The following TCERG1L variants were observed in gnomAD, a reference collection of about 807,000 sequenced individuals.
The protein encoded by TCERG1L is transcription elongation regulator 1 like.
A neutral mutation model predicts 56.3 loss-of-function variants in TCERG1L; 37 were observed. The ratio of observed to expected loss-of-function variants is 0.66; its 90% CI spans 0.51 to 0.87. TCERG1L has a LOEUF of 0.87. Ranked by LOEUF, TCERG1L falls within the 40% of genes least tolerant of loss-of-function variation. The pLI, the probability that TCERG1L is intolerant of heterozygous loss-of-function variation, is 0.00. For synonymous variants in TCERG1L, 324 were observed against 326.3 expected (o/e 0.99, Z 0.08); for missense variants, 799 against 774.2 (o/e 1.03, Z -0.38).
intron 4 of TCERG1L, among the ~76,000 whole-genome samples, chr10:131,176,449 C>T (rs1476260829): frequency 9.1e-4 from 136 of 150,102 alleles, no homozygotes; most frequent in African/African-American, 3.3e-3. Context: ...GATACGTGTA[C>T]ACACACCAAG....
At chr10:131,235,283 T>C (rs1025714975) in intron 4 of TCERG1L, among the ~76,000 whole-genome samples, 2 of 152,224 alleles carry the variant, frequency 1.3e-5, no homozygotes, top group African/African-American at 4.8e-5. Flanking sequence ...ATATTTCACG[T>C]TGGAGAAGAG....
chr10:131,099,559 G>A (rs921594566), intron 10 of TCERG1L, among the ~76,000 whole-genome samples: 36 of 152,208 alleles, frequency 2.4e-4, no homozygotes, highest in African/African-American at 7.2e-4. Flanking sequence ...GAATGTGACC[G>A]AGGACCAAGC....
At chr10:131,194,802 C>A (rs973028769) in intron 4 of TCERG1L, among the ~76,000 whole-genome samples, 2 of 152,324 alleles carry the variant, frequency 1.3e-5, no homozygotes, top group East Asian at 3.9e-4. Flanking sequence ...TTTGCAATAT[C>A]TTCTTCATCA....
In TCERG1L at chr10:131,166,778, C is replaced by G; in HGVS notation, c.945+19G>C. On this transcript the variant is annotated intron_variant, in intron 5 of 11. Coordinates refer to ENST00000368642, the MANE Select transcript of TCERG1L (RefSeq NM_174937.4). ...CAGGGTTTTGTGTCTTTAACACACA[C>G]ACGAGCCCCGAAACTGACCTTGTCT... 6.2e-7 allele frequency: 1 copy of G among 1,613,428 alleles called. No homozygotes were observed. Among genetic ancestry groups the G allele is most frequent in the Non-Finnish European group, 8.5e-7 (1 of 1,179,544 alleles).
chr10:131,093,116 G>A lies in TCERG1L; in HGVS notation c.*46C>T. On this transcript the variant is annotated 3_prime_UTR_variant, in exon 12 of 12. Coordinates refer to ENST00000368642, the MANE Select transcript of TCERG1L (RefSeq NM_174937.4). ...CTCCACCGTGACCCCCTCGCCCCCGGCACGCCCAGGGTCAACCCCCGGGCT... is the reference window on the plus strand; with the variant it reads ...CTCCACCGTGACCCCCTCGCCCCCGACACGCCCAGGGTCAACCCCCGGGCT... 6.3e-7 allele frequency: 1 copy of A among 1,589,386 alleles called. No homozygotes were observed. The highest frequency in any genetic ancestry group is 2.3e-5 in the East Asian group (1 of 44,356).
chr10:131,292,788 G>GT lies in TCERG1L; in HGVS notation c.670+15422dup, dbSNP rs11366277. Among the ~76,000 whole-genome samples the GT allele has an allele frequency of 2.1e-3, 318 of 150,198 alleles. 1 individual carries two copies. The highest frequency in any genetic ancestry group is 5.6e-3 in the African/African-American group (228 of 40,660). The stretch of plus-strand genomic sequence containing the variant: ...GAGCAGTGATAGCTCCATTTAATGT[G>GT]TTTTTTTTTTCATGTAATGTGTTTT... On this transcript the variant is annotated intron_variant, in intron 3 of 11. Coordinates refer to ENST00000368642, the MANE Select transcript of TCERG1L (RefSeq NM_174937.4).
intron 8 of TCERG1L, among the ~76,000 whole-genome samples, chr10:131,119,573 A>G (rs1239328093): frequency 1.3e-5 from 2 of 152,214 alleles, no homozygotes; most frequent in African/African-American, 4.8e-5. Flanking sequence ...CTGCGCGATG[A>G]TGGTGTGTTG....
At chr10:131,246,709 A>G (rs746011020) in intron 4 of TCERG1L, among the ~76,000 whole-genome samples, 40 of 152,220 alleles carry the variant, frequency 2.6e-4, no homozygotes, top group Non-Finnish European at 5.1e-4. Flanking sequence ...AGAAGTCCGT[A>G]GCAAAGGAGC....
intron 4 of TCERG1L, among the ~76,000 whole-genome samples, chr10:131,256,992 G>GGAAGGAAGGAAAGAAAAGAAA (rs1846173015): frequency 2.0e-4 from 12 of 59,170 alleles, no homozygotes; most frequent in African/African-American, 6.1e-4. Context: ...AAGGAAGGAA[G>GGAAGGAAGGAAAGAAAAGAAA]GAAAGAAAGA....
Position 131,187,623 on chromosome 10 carries a change from A to C in TCERG1L, c.857-20738T>G, listed in dbSNP as rs1845258923. Among the ~76,000 whole-genome samples the C allele has an allele frequency of 2.0e-5, 3 of 152,150 alleles. No individual in the cohort carries two copies. In the South Asian group the frequency reaches 6.2e-4, roughly 32 times the overall value. On this transcript the variant is annotated intron_variant, in intron 4 of 11. Coordinates refer to ENST00000368642, the MANE Select transcript of TCERG1L (RefSeq NM_174937.4). ...GGCATGGTGGAAAACCAAAGGCCAA[A>C]ATCAATAATCTGCCGCTTCTGGGGC...
At chr10:131,229,121 A>G (rs1256112831) in intron 4 of TCERG1L, among the ~76,000 whole-genome samples, 1 of 129,838 alleles carries the variant, frequency 7.7e-6, no homozygotes, top group Non-Finnish European at 1.6e-5. Context: ...CATTTCCTCA[A>G]GGTCTCCGGA....
At chr10:131,277,431 G>A (rs537816019) in intron 3 of TCERG1L, among the ~76,000 whole-genome samples, 40 of 152,292 alleles carry the variant, frequency 2.6e-4, no homozygotes, top group Middle Eastern at 3.4e-3. Flanking sequence ...GCAGGCCTGC[G>A]CCGGGGAGAT....
rs745405705 is a variant in TCERG1L, at chr10:131,285,425, GAGAA to G, written c.670+22782_670+22785del. 9.9e-3 allele frequency among the ~76,000 whole-genome samples: 1,064 copies of G among 107,888 alleles called. 72 individuals carry two copies. Among genetic ancestry groups the G allele is most frequent in the South Asian group, 0.025 (74 of 2,908 alleles). 70.8% of individuals were successfully genotyped at this position (107,888 alleles called of 152,430 possible). On this transcript the variant is annotated intron_variant, in intron 3 of 11. Coordinates refer to ENST00000368642, the MANE Select transcript of TCERG1L (RefSeq NM_174937.4). ...AAGGAAGGAAGGAAAGAGAGAGAGA[GAGAA>G]AGAGAGAAAGAGAAACAAAGAAAGA...
In TCERG1L at chr10:131,145,365, A is replaced by G. The variant is rs532896667; in HGVS notation, c.1189+1141T>C. 8.5e-5 allele frequency among the ~76,000 whole-genome samples: 13 copies of G among 152,318 alleles called. No homozygotes were observed. In the South Asian group the frequency reaches 2.7e-3, roughly 32 times the overall value. On this transcript the variant is annotated intron_variant, in intron 7 of 11. Coordinates refer to ENST00000368642, the MANE Select transcript of TCERG1L (RefSeq NM_174937.4). ...TCAAAGGAGGAAATGCAATTGCCAA[A>G]TTCAATCTTCATTGTCTGTAAATAC... is the stretch of plus-strand genomic sequence containing the variant.
intron 4 of TCERG1L, among the ~76,000 whole-genome samples, chr10:131,189,163 T>G (rs1034953693): frequency 2.0e-5 from 3 of 152,236 alleles, no homozygotes; most frequent in African/African-American, 7.2e-5. Flanking sequence ...CTGCTTAGAT[T>G]TGCCATTTAT....
intron 8 of TCERG1L, among the ~76,000 whole-genome samples, chr10:131,124,597 G>A (rs1010292317): frequency 1.3e-5 from 2 of 152,156 alleles, no homozygotes; most frequent in East Asian, 1.9e-4. Context: ...CCATGCAGGA[G>A]CGGAGAGCAA....
At position 131,311,646 on chromosome 10, in the gene TCERG1L, C is replaced by G. The variant is rs1846902903; in HGVS notation, c.-11G>C. ...GGCGCCCGCCTGCATCCTACATCCC[C>G]GCGCTGACGGCGGCGGCGGGGGCGG... On this transcript the variant is annotated 5_prime_UTR_variant, in exon 1 of 12. Transcript: ENST00000368642. This position sits in a 1 kb window ranked among gnomAD's most constrained non-coding sequence, Gnocchi z 4.0. 1 of 1,117,024 alleles carries G rather than the reference C, an allele frequency of 9.0e-7. No individual in the cohort carries two copies. Among genetic ancestry groups the G allele is most frequent in the African/African-American group, 1.7e-5 (1 of 59,652 alleles). 69.2% of individuals were successfully genotyped at this position (1,117,024 alleles called of 1,614,324 possible). A position where few individuals can be genotyped will look rare whatever the true frequency, so the allele number is the denominator to read the frequency against.
At chr10:131,285,537 GA>G (rs61330944) in intron 3 of TCERG1L, among the ~76,000 whole-genome samples, 62,821 of 116,332 alleles carry the variant, frequency 0.54, 17,504 homozygotes, top group Admixed American at 0.6. Context: ...AGAAAGAAAA[GA>G]AAAGAAAGAA....
intron 3 of TCERG1L, among the ~76,000 whole-genome samples, chr10:131,268,705 C>T (rs2133550976): frequency 6.6e-6 from 1 of 152,378 alleles, no homozygotes; most frequent in Admixed American, 6.5e-5. Flanking sequence ...CTTCACCTTA[C>T]ACTTTTATGT....
Sources: allele counts gnomAD v4.1 joint callset (sites outside exome capture counted in the v4.1 genomes callset), GRCh38; gene constraint gnomAD v4.1.1; non-coding constraint Gnocchi (gnomAD v3.1); transcripts MANE v1.5; gene names NCBI Gene and HGNC (gene_info 2026-07-23, HGNC 2026-07-21).